C10orf90: variants seen among roughly 807,000 people sequenced by gnomAD.
C10orf90 encodes the protein (E2-independent) E3 ubiquitin-conjugating enzyme FATS.
A neutral mutation model predicts 62.5 loss-of-function variants in C10orf90; 56 were observed. The ratio of observed to expected loss-of-function variants is 0.90; its 90% confidence interval spans 0.72 to 1.12. C10orf90 has a LOEUF of 1.12. Among genes scored for constraint, C10orf90 ranks in the 50% most tolerant of loss-of-function variants. The pLI, the probability that C10orf90 is intolerant of heterozygous loss-of-function variation, is 0.00. For synonymous variants in C10orf90, 386 were observed against 340.4 expected, an observed-to-expected ratio of 1.13 and a Z score of -1.47; for missense variants, 970 against 880.4, an observed-to-expected ratio of 1.10 and a Z score of -1.29.
At chr10:126,584,317 T>A (rs1402375838) in intron 2 of C10orf90, among the ~76,000 whole-genome samples, 1 of 151,680 alleles carries the variant, frequency 6.6e-6, no homozygotes, top group Non-Finnish European at 1.5e-5. Flanking sequence ...TGCTCGTCCA[T>A]CTGCCTGTCT....
chr10:126,641,391 C>T (rs77165972), intron 2 of C10orf90, among the ~76,000 whole-genome samples: 2,482 of 152,154 alleles, frequency 0.016, 84 homozygotes, highest in African/African-American at 0.057. Flanking sequence ...CTTTATCCCA[C>T]TCATCAATCA....
chr10:126,669,276 A>T (rs1199533009), intron 1 of C10orf90, among the ~76,000 whole-genome samples: 1 of 152,174 alleles, frequency 6.6e-6, no homozygotes, highest in Non-Finnish European at 1.5e-5. Flanking sequence ...GGAAATTCAC[A>T]CTCCCAGGGC....
At chr10:126,428,957 A>G (rs953467122) in intron 8 of C10orf90, among the ~76,000 whole-genome samples, 3 of 152,194 alleles carry the variant, frequency 2.0e-5, no homozygotes, top group Non-Finnish European at 2.9e-5. Flanking sequence ...CCATGGAAAC[A>G]ATATAATCAT....
intron 7 of C10orf90, among the ~76,000 whole-genome samples, chr10:126,433,540 T>A (rs1857718397): frequency 6.6e-6 from 1 of 151,990 alleles, no homozygotes; most frequent in Admixed American, 6.6e-5. Flanking sequence ...TTGATTCATC[T>A]CTCCTGGTCC....
intron 2 of C10orf90, among the ~76,000 whole-genome samples, chr10:126,587,281 T>G (rs2134023789): frequency 6.6e-6 from 1 of 152,334 alleles, no homozygotes. Context: ...GTATTAAAAT[T>G]CCTGTATCAG....
At chr10:126,651,527 A>G (rs1216037735) in intron 1 of C10orf90, among the ~76,000 whole-genome samples, 6 of 152,280 alleles carry the variant, frequency 3.9e-5, no homozygotes, top group Admixed American at 3.3e-4. Flanking sequence ...GAGATGGAGG[A>G]TTGTCAATCA....
chr10:126,461,500 T>G lies in C10orf90; in HGVS notation c.1911A>C (p.Ala637=). ...EDPTTPEPSP[A]APSPAPRDGA... ...CATCGCGGGGTGCTGGCGAGGGTGC[T>G]GCTGGGGAGGGCTCAGGTGTGGTGG... The change falls in exon 6 of 10, where the codon GCA becomes GCC. Residue 637 remains alanine (A), a synonymous_variant. Transcript: ENST00000488181. 1 of 1,614,034 alleles carries G rather than the reference T, an allele frequency of 6.2e-7. No individual in the cohort carries two copies. Among genetic ancestry groups the G allele is most frequent in the Non-Finnish European group, 8.5e-7 (1 of 1,179,982 alleles).
chr10:126,563,591 G>C (rs7894403), intron 2 of C10orf90, among the ~76,000 whole-genome samples: 1 of 152,002 alleles, frequency 6.6e-6, no homozygotes, highest in East Asian at 1.9e-4. Context: ...CCTGGTGGCC[G>C]TGAGCCCAAT....
intron 2 of C10orf90, among the ~76,000 whole-genome samples, chr10:126,618,104 A>G (rs1845578014): frequency 6.6e-6 from 1 of 152,212 alleles, no homozygotes; most frequent in African/African-American, 2.4e-5. Flanking sequence ...GAGAATCTTC[A>G]AGCTGGAAGG....
At chr10:126,657,081 C>A (rs1564912326) in intron 1 of C10orf90, among the ~76,000 whole-genome samples, 1 of 152,106 alleles carries the variant, frequency 6.6e-6, no homozygotes, top group Non-Finnish European at 1.5e-5. Flanking sequence ...ACCCGTGAAT[C>A]TGCATAGGGG....
At chr10:126,430,419 T>C (rs952465141) in intron 7 of C10orf90, among the ~76,000 whole-genome samples, 1 of 152,210 alleles carries the variant, frequency 6.6e-6, no homozygotes, top group African/African-American at 2.4e-5. Context: ...ACACAGTAGC[T>C]AAAAATCACT....
intron 6 of C10orf90, among the ~76,000 whole-genome samples, chr10:126,461,049 C>G (rs1286062197): frequency 6.6e-6 from 1 of 152,152 alleles, no homozygotes; most frequent in Non-Finnish European, 1.5e-5. Context: ...ACACTGAGAT[C>G]TGGAGCCCCT....
intron 7 of C10orf90, among the ~76,000 whole-genome samples, chr10:126,458,163 G>C (rs1031490222): frequency 6.6e-6 from 1 of 152,138 alleles, no homozygotes; most frequent in Non-Finnish European, 1.5e-5. Context: ...CAGGCACCCA[G>C]AATAAGATCT....
chr10:126,601,402 C>G (rs1327271695), intron 2 of C10orf90, among the ~76,000 whole-genome samples: 1 of 152,102 alleles, frequency 6.6e-6, no homozygotes, highest in Non-Finnish European at 1.5e-5. Context: ...ACTATAGAAG[C>G]CATTTTAGTA....
At chr10:126,584,691 G>A (rs1040378099) in intron 2 of C10orf90, among the ~76,000 whole-genome samples, 14 of 152,188 alleles carry the variant, frequency 9.2e-5, no homozygotes, top group Admixed American at 6.5e-4. Context: ...ACCCCTCTCA[G>A]AATCCCACTG....
intron 2 of C10orf90, among the ~76,000 whole-genome samples, chr10:126,524,163 G>T (rs1335153080): frequency 1.3e-5 from 2 of 152,146 alleles, no homozygotes; most frequent in African/African-American, 4.8e-5. Context: ...AGAGGTGGGT[G>T]GGGGTGGCAA....
intron 7 of C10orf90, among the ~76,000 whole-genome samples, chr10:126,446,458 G>A (rs1858786566): frequency 6.6e-6 from 1 of 152,056 alleles, no homozygotes; most frequent in Admixed American, 6.6e-5. Context: ...AAGTTTTCAG[G>A]CCTGAAAAGA....
chr10:126,568,968 G>A (rs973138814), intron 2 of C10orf90, among the ~76,000 whole-genome samples: 1 of 152,162 alleles, frequency 6.6e-6, no homozygotes, highest in African/African-American at 2.4e-5. Context: ...GAGGAGGTCT[G>A]GAGAGGAAGA....
intron 2 of C10orf90, among the ~76,000 whole-genome samples, chr10:126,543,497 T>C (rs769211576): frequency 1.3e-5 from 2 of 152,192 alleles, no homozygotes; most frequent in Non-Finnish European, 2.9e-5. Flanking sequence ...AATTTTTCTA[T>C]AATTCAAGGT....
Sources: gnomAD v4.1 joint callset for allele counts (sites outside exome capture counted in the v4.1 genomes callset) on GRCh38, gnomAD v4.1.1 for gene constraint, MANE v1.5 for transcripts, NCBI Gene and HGNC (gene_info 2026-07-23, HGNC 2026-07-21) for gene names.